The following RGS6 variants were observed in gnomAD, a reference collection of about 807,000 sequenced individuals.
RGS6 encodes regulator of G-protein signaling 6.
Under a neutral mutation model 78.5 loss-of-function variants are expected in RGS6, and 30 were observed. That is an observed-to-expected ratio of 0.38 (90% CI 0.29 to 0.52). RGS6 has a LOEUF of 0.52. Ranked by LOEUF, RGS6 falls within the 20% of genes least tolerant of loss-of-function variation. The pLI, the probability that RGS6 is intolerant of heterozygous loss-of-function variation, is 0.85. For synonymous variants in RGS6, 206 were observed against 206.0 expected, an observed-to-expected ratio of 1.00 and a Z score of 0.00; for missense variants, 495 against 609.7, an observed-to-expected ratio of 0.81 and a Z score of 1.98.
At chr14:72,370,111 C>G (rs1003094022) in intron 3 of RGS6, among the ~76,000 whole-genome samples, 1 of 150,152 alleles carries the variant, frequency 6.7e-6, no homozygotes, top group Non-Finnish European at 1.5e-5. Context: ...CTAGCCTACT[C>G]AGACCAACTG....
At chr14:72,500,837 T>C (rs2096714628) in intron 13 of RGS6, among the ~76,000 whole-genome samples, 1 of 152,196 alleles carries the variant, frequency 6.6e-6, no homozygotes, top group Admixed American at 6.5e-5. Flanking sequence ...ACTAAGTCTC[T>C]GTGCAAGGCC....
intron 2 of RGS6, among the ~76,000 whole-genome samples, chr14:72,231,546 G>A (rs1325414051): frequency 1.3e-5 from 2 of 152,312 alleles, no homozygotes; most frequent in South Asian, 2.1e-4. Context: ...CTGCTAATAA[G>A]CAGACAACTT....
intron 2 of RGS6, among the ~76,000 whole-genome samples, chr14:71,979,786 GCAGAGCTGAGTT>G (rs2153112263): frequency 6.6e-6 from 1 of 152,182 alleles, no homozygotes; most frequent in African/African-American, 2.4e-5. Context: ...TCTGCTTGGT[GCAGAGCTGAGTT>G]CAATTCCTGG....
intron 2 of RGS6, among the ~76,000 whole-genome samples, chr14:72,338,516 C>T (rs2076437699): frequency 6.6e-6 from 1 of 152,200 alleles, no homozygotes; most frequent in African/African-American, 2.4e-5. Flanking sequence ...AGATACACTT[C>T]AAGATAAGAT....
At chr14:72,485,781 T>G (rs2096477513) in intron 12 of RGS6, among the ~76,000 whole-genome samples, 1 of 152,216 alleles carries the variant, frequency 6.6e-6, no homozygotes, top group Non-Finnish European at 1.5e-5. Flanking sequence ...CAGGAAAAGC[T>G]GGAGCCAGGG....
At chr14:72,376,867 C>T (rs1478607502) in intron 3 of RGS6, among the ~76,000 whole-genome samples, 1 of 152,058 alleles carries the variant, frequency 6.6e-6, no homozygotes, top group Non-Finnish European at 1.5e-5. Flanking sequence ...AGACAATAAC[C>T]ACTGTCATGA....
intron 2 of RGS6, among the ~76,000 whole-genome samples, chr14:72,278,791 G>A (rs981689519): frequency 1.3e-5 from 2 of 151,982 alleles, no homozygotes; most frequent in East Asian, 1.9e-4. Context: ...TGCATAATAC[G>A]GTACCATAGA....
chr14:72,011,698 G>A (rs2085774915), intron 2 of RGS6, among the ~76,000 whole-genome samples: 1 of 152,096 alleles, frequency 6.6e-6, no homozygotes, highest in Non-Finnish European at 1.5e-5. Context: ...ATAGAGGAGG[G>A]TGGCATAGGT....
At chr14:72,397,595 G>C (rs1255291346) in intron 3 of RGS6, among the ~76,000 whole-genome samples, 1 of 152,114 alleles carries the variant, frequency 6.6e-6, no homozygotes, top group East Asian at 1.9e-4. Context: ...TGTTGAATAG[G>C]AGTGGTGAGA....
intron 2 of RGS6, among the ~76,000 whole-genome samples, chr14:72,245,409 T>A (rs1023427080): frequency 4.6e-5 from 7 of 152,242 alleles, no homozygotes; most frequent in Non-Finnish European, 1.0e-4. Context: ...AGCAATCCAG[T>A]CATTAGCATT....
At chr14:72,301,267 A>G (rs566637068) in intron 2 of RGS6, among the ~76,000 whole-genome samples, 1 of 152,214 alleles carries the variant, frequency 6.6e-6, no homozygotes, top group African/African-American at 2.4e-5. Flanking sequence ...TTTATTTGTC[A>G]TGTACTCAGA....
At chr14:72,456,525 C>T (rs973937752) in intron 4 of RGS6, among the ~76,000 whole-genome samples, 2 of 152,166 alleles carry the variant, frequency 1.3e-5, no homozygotes, top group Admixed American at 6.5e-5. Flanking sequence ...GAACTCCTGA[C>T]CTCAAACAAT....
chr14:72,464,639 T>G (rs150811912), intron 6 of RGS6: 8 of 152,346 alleles, frequency 5.3e-5, no homozygotes, highest in African/African-American at 1.7e-4. Context: ...TGTTCATTTA[T>G]TTATGCCATT....
At chr14:71,944,789 A>G (rs931024290) in intron 1 of RGS6, among the ~76,000 whole-genome samples, 3 of 152,184 alleles carry the variant, frequency 2.0e-5, no homozygotes, top group African/African-American at 7.2e-5. Context: ...GGAGAAATGT[A>G]TCATTAGGTG....
downstream of RGS6, among the ~76,000 whole-genome samples, chr14:72,569,895 A>G (rs1237310389): frequency 6.6e-6 from 1 of 152,204 alleles, no homozygotes; most frequent in Non-Finnish European, 1.5e-5. Flanking sequence ...CTTAGCGTCT[A>G]GGTCATGACC....
chr14:72,042,731 G>T (rs1380533862), intron 2 of RGS6, among the ~76,000 whole-genome samples: 16 of 151,766 alleles, frequency 1.1e-4, no homozygotes, highest in African/African-American at 3.4e-4. Flanking sequence ...TACCTCATTT[G>T]ACCATGTAAC....
At chr14:72,397,558 T>C (rs2091609506) in intron 3 of RGS6, among the ~76,000 whole-genome samples, 1 of 152,128 alleles carries the variant, frequency 6.6e-6, no homozygotes, top group Non-Finnish European at 1.5e-5. Flanking sequence ...TCCTGCCTGA[T>C]TGCCCTGGCC....
At chr14:72,367,193 G>A (rs912785719) in intron 3 of RGS6, among the ~76,000 whole-genome samples, 1 of 152,184 alleles carries the variant, frequency 6.6e-6, no homozygotes, top group African/African-American at 2.4e-5. Flanking sequence ...GTTTCTTAAA[G>A]GTGTTTGATG....
the RGS6 span, among the ~76,000 whole-genome samples, chr14:72,617,544 A>G: frequency 1.3e-5 from 2 of 152,162 alleles, no homozygotes; most frequent in East Asian, 3.9e-4. Flanking sequence ...AAATGAGACC[A>G]TTATGTATGT....
Sources: gnomAD v4.1 joint callset for allele counts (sites outside exome capture counted in the v4.1 genomes callset) on GRCh38, gnomAD v4.1.1 for gene constraint, MANE v1.5 for transcripts, NCBI Gene and HGNC (gene_info 2026-07-23, HGNC 2026-07-21) for gene names.